The following AKAP9 variants were observed in gnomAD, a reference collection of about 807,000 sequenced individuals.
The protein encoded by AKAP9 is A-kinase anchor protein 9.
A neutral mutation model predicts 488.5 loss-of-function variants in AKAP9; 311 were observed. The observed-to-expected ratio is 0.64, with a 90% confidence interval of 0.58 to 0.70. AKAP9 has a LOEUF of 0.70. AKAP9 is among the 30% of genes least tolerant of loss of function. The pLI is 0.00. For missense variants in AKAP9, 4,215 were observed against 4,374.5 expected (o/e 0.96, Z 1.03); for synonymous variants, 1,462 against 1,483.5 (o/e 0.99, Z 0.33).
At position 92,002,367 on chromosome 7, in the gene AKAP9, T is replaced by C. The variant is rs1212510607; in HGVS notation, c.2450T>C (p.Val817Ala). Reference protein sequence around the residue: ...DSIKSKSKDSVWEKEIEILIE... With the variant: ...DSIKSKSKDSAWEKEIEILIE... Reference sequence around the variant, plus strand: ...ATTAAGTCCAAATCCAAAGACTCTGTGTGGGAAAAAGAAATAGAAATACTT... The same window carrying C: ...ATTAAGTCCAAATCCAAAGACTCTGCGTGGGAAAAAGAAATAGAAATACTT... Residue 817 changes from valine to alanine, a missense_variant, in exon 8 of 50, where the codon GTG (valine) becomes GCG (alanine). Physicochemically the swap from Val to Ala is moderately conservative, Grantham distance 64. Around this residue, in one of 5 missense-constraint regions of AKAP9, gnomAD observed 2,361 missense variants for 2,430.0 expected, o/e 0.97. Transcript: ENST00000356239. The C allele has an allele frequency of 6.2e-7, 1 of 1,612,002 alleles. No homozygotes were observed. Among genetic ancestry groups the C allele is most frequent in the Non-Finnish European group, 8.5e-7 (1 of 1,179,196 alleles).
Position 92,097,230 on chromosome 7 carries a change from A to G in AKAP9, c.10271A>G (p.Gln3424Arg). ...DLQRQLEEKR[Q>R]QVYKLDLEGQ... is the part of the protein sequence containing the mutation. ...CAGCGCCAGCTGGAAGAGAAAAGACAACAAGTTTATAAGTTAGACCTTGAA... is the reference window on the plus strand; with the variant it reads ...CAGCGCCAGCTGGAAGAGAAAAGACGACAAGTTTATAAGTTAGACCTTGAA... Residue 3424 changes from glutamine to arginine, a missense_variant, in exon 41 of 50, where the codon CAA becomes CGA. Gln to Arg is a conservative substitution (Grantham distance 43). Coordinates refer to ENST00000356239, the MANE Select transcript of AKAP9 (RefSeq NM_005751.5). 6.2e-7 allele frequency: 1 copy of G among 1,612,796 alleles called. No individual in the cohort carries two copies. Among genetic ancestry groups the G allele is most frequent in the Non-Finnish European group, 8.5e-7 (1 of 1,179,718 alleles).
Position 92,093,113 on chromosome 7 carries a change from T to C in AKAP9, c.9375T>C (p.Asn3125=), listed in dbSNP as rs1031986925. The C allele has an allele frequency of 6.2e-7, 1 of 1,613,776 alleles. No homozygotes were observed. Among genetic ancestry groups the C allele is most frequent in the African/African-American group, 1.3e-5 (1 of 75,024 alleles). The part of the protein sequence containing the change: ...EKPSQELLEY[N]IQQKQSQMLE... The stretch of plus-strand genomic sequence containing the variant: ...TCTGTGTAGAACTCTTGGAATATAA[T>C]ATACAGCAGAAGCAGTCTCAAATGC... The change falls in exon 39 of 50, where the codon AAT becomes AAC. Residue 3125 remains asparagine, a synonymous_variant. Coordinates refer to ENST00000356239, the MANE Select transcript of AKAP9 (RefSeq NM_005751.5).
intron 45 of AKAP9, among the ~76,000 whole-genome samples, chr7:92,101,303 G>A (rs1472081837): frequency 7.9e-5 from 12 of 152,210 alleles, no homozygotes; most frequent in Non-Finnish European, 1.3e-4. Context: ...TTAGCTGGGC[G>A]TGGTGGCGGG....
chr7:92,067,780 G>C lies in AKAP9; in HGVS notation c.6330+1234G>C, dbSNP rs1369444057. Among the ~76,000 whole-genome samples, 4 of 152,258 alleles carry C rather than the reference G, an allele frequency of 2.6e-5. No homozygotes were observed. In the East Asian group the frequency reaches 7.7e-4, roughly 29 times the overall value. ...TAAGGCAATCCCAGTTTGTATCATG[G>C]CTCTGCCATTTACTAGGTTATGACA... is the stretch of plus-strand genomic sequence containing the variant. On this transcript the variant is annotated intron_variant, in intron 26 of 49. Coordinates refer to ENST00000356239, the MANE Select transcript of AKAP9 (RefSeq NM_005751.5).
At chr7:91,952,634 T>C (rs1792402775) in intron 1 of AKAP9, among the ~76,000 whole-genome samples, 1 of 152,046 alleles carries the variant, frequency 6.6e-6, no homozygotes, top group Admixed American at 6.5e-5. Context: ...TCGTTTGACT[T>C]GTTTTGGGGA....
chr7:91,979,627 A>G (rs1321971214), intron 2 of AKAP9, among the ~76,000 whole-genome samples: 4 of 152,170 alleles, frequency 2.6e-5, no homozygotes, highest in Non-Finnish European at 5.9e-5. Context: ...AGTTTAATTG[A>G]TAAATTAGGC....
At chr7:92,017,183 G>T (rs1801632432) in intron 12 of AKAP9, 81 bp downstream of exon 12, 4 of 1,072,074 alleles carry the variant, frequency 3.7e-6, no homozygotes, top group Non-Finnish European at 4.2e-6. Context: ...TATCAACCAA[G>T]AATTTCTAAA....
At chr7:92,108,678 C>T (rs144562609) in intron 49 of AKAP9, 45 bp downstream of exon 49, 4 of 1,610,032 alleles carry the variant, frequency 2.5e-6, no homozygotes, top group African/African-American at 1.3e-5. Context: ...CAGTGCGAGA[C>T]CCACAGCTCC....
At chr7:92,071,754 A>G (rs1388571129) in intron 28 of AKAP9, among the ~76,000 whole-genome samples, 1 of 152,194 alleles carries the variant, frequency 6.6e-6, no homozygotes, top group Non-Finnish European at 1.5e-5. Flanking sequence ...CTATATTTTA[A>G]CAAATAGTTA....
chr7:91,978,767 A>AT (rs1436338856), intron 2 of AKAP9, among the ~76,000 whole-genome samples: 1 of 150,568 alleles, frequency 6.6e-6, no homozygotes, highest in Non-Finnish European at 1.5e-5. Context: ...TATTATTATT[A>AT]TTTTTTAAAG....
chr7:92,036,617 G>A (rs761066778), intron 16 of AKAP9, among the ~76,000 whole-genome samples: 14 of 152,010 alleles, frequency 9.2e-5, no homozygotes, highest in Non-Finnish European at 2.1e-4. Context: ...TTAGATGTTG[G>A]TTGACCATTC....
At chr7:92,098,325 G>C (rs1189775269) in intron 43 of AKAP9, 111 bp downstream of exon 43, 1 of 636,494 alleles carries the variant, frequency 1.6e-6, no homozygotes, top group Non-Finnish European at 2.7e-6. Context: ...AGTTTTATTT[G>C]TATCTTTTTA....
intron 28 of AKAP9, 49 bp downstream of exon 28, chr7:92,071,058 A>G (rs768426684): frequency 4.8e-6 from 7 of 1,453,792 alleles, no homozygotes; most frequent in Admixed American, 1.7e-5. Flanking sequence ...ATTATTTTAA[A>G]TCAGTTACCT....
Position 91,941,105 on chromosome 7 carries a change from G to A in AKAP9, c.6G>A (p.Glu2=), listed in dbSNP as rs1042546117. 4.3e-6 allele frequency: 7 copies of A among 1,614,068 alleles called. No individual in the cohort carries two copies. Among genetic ancestry groups the A allele is most frequent in the Non-Finnish European group, 5.9e-6 (7 of 1,179,890 alleles). The part of the protein sequence containing the change: M[E]DEERQKKLEA... Reference sequence around the variant, plus strand: ...CTGCCTTCCTTGCAGAGGCCATGGAGGACGAGGAGAGACAGAAGAAGCTGG... The same window carrying A: ...CTGCCTTCCTTGCAGAGGCCATGGAAGACGAGGAGAGACAGAAGAAGCTGG... The change falls in exon 1 of 50, where the codon GAG becomes GAA. Residue 2 remains glutamate (E), a synonymous_variant. Transcript: ENST00000356239.
rs140872685 is a variant in AKAP9 at position 92,070,212 on chromosome 7, G to A, written c.6507+6G>A. ...GTGCAGATACTTTTCAAAAGGTGTGGCATTTTATTTGGGCTAACTTAATAA... is the reference window on the plus strand; with the variant it reads ...GTGCAGATACTTTTCAAAAGGTGTGACATTTTATTTGGGCTAACTTAATAA... On this transcript the variant is annotated splice_donor_region_variant and intron_variant, in intron 27 of 49. Coordinates refer to ENST00000356239, the MANE Select transcript of AKAP9 (RefSeq NM_005751.5). The A allele has an allele frequency of 1.9e-6, 3 of 1,613,752 alleles. No individual in the cohort carries two copies. The highest frequency in any genetic ancestry group is 1.7e-6 in the Non-Finnish European group (2 of 1,179,800).
In AKAP9 at chr7:92,009,512, G is replaced by A. The variant is rs183306806; in HGVS notation, c.3319-2917G>A. Among the ~76,000 whole-genome samples, 12 of 152,198 alleles carry A rather than the reference G, an allele frequency of 7.9e-5. 1 individual carries two copies. In the East Asian group the frequency reaches 1.9e-3, roughly 24 times the overall value. ...TCCTCTCCTCCAACCAGAAATATTA[G>A]ACTGAGACCATTTCACAAATGGGTC... On this transcript the variant is annotated intron_variant, in intron 8 of 49. Coordinates refer to ENST00000356239, the MANE Select transcript of AKAP9 (RefSeq NM_005751.5).
At chr7:92,074,554 C>T (rs1339984453) in intron 28 of AKAP9, among the ~76,000 whole-genome samples, 2 of 152,170 alleles carry the variant, frequency 1.3e-5, no homozygotes, top group Non-Finnish European at 2.9e-5. Context: ...TATAAAGATA[C>T]ATGCACACAT....
rs184811144 is a variant in AKAP9 at position 91,994,863 on chromosome 7, A to T, written c.732+87A>T. The T allele has an allele frequency of 4.3e-4, 556 of 1,300,612 alleles. 2 individuals are homozygous for T. The East Asian group carries it at 0.013, about 30-fold the overall frequency. The allele number at this position is 1,300,612 out of a possible 1,614,324, so 80.6% of individuals were successfully genotyped here. A position where few individuals can be genotyped will look rare whatever the true frequency, so the allele number is the denominator to read the frequency against. On this transcript the variant is annotated intron_variant, in intron 6 of 49. Coordinates refer to ENST00000356239, the MANE Select transcript of AKAP9 (RefSeq NM_005751.5). ...TTTCAAGAACAAATCTAAATTTGTT[A>T]AAAAAGCCATTTCGTATTATATCAT... is the stretch of plus-strand genomic sequence containing the variant.
rs535085259 is a variant in AKAP9 at position 92,044,281 on chromosome 7, A to G, written c.5163-727A>G. 7.7e-4 allele frequency among the ~76,000 whole-genome samples: 117 copies of G among 152,302 alleles called. 1 individual carries two copies. The highest frequency in any genetic ancestry group is 1.4e-3 in the Non-Finnish European group (95 of 68,008). On this transcript the variant is annotated intron_variant, in intron 20 of 49. Coordinates refer to ENST00000356239, the MANE Select transcript of AKAP9 (RefSeq NM_005751.5). Reference sequence around the variant, plus strand: ...TTAAAAAGAGAGACACACCAAATTCATTCTAGTTGAAAACAGGTTTCTTCT... The same window carrying G: ...TTAAAAAGAGAGACACACCAAATTCGTTCTAGTTGAAAACAGGTTTCTTCT...
Sources: allele counts gnomAD v4.1 joint callset (sites outside exome capture counted in the v4.1 genomes callset), GRCh38; gene constraint gnomAD v4.1.1; regional missense constraint gnomAD v4.1.1; transcripts MANE v1.5; gene names NCBI Gene and HGNC (gene_info 2026-07-23, HGNC 2026-07-21).